PHACTR1: variants seen among roughly 807,000 people sequenced by gnomAD.
PHACTR1 encodes the protein phosphatase and actin regulator 1, also known as RPEL repeat containing 1.
In PHACTR1, 16 loss-of-function variants were observed where a neutral mutation model predicts 69.2. That is an observed-to-expected ratio of 0.23 (90% confidence interval 0.16 to 0.35). The LOEUF is 0.35. PHACTR1 is among the 10% of genes least tolerant of loss of function. PHACTR1 has a pLI of 1.00. For missense variants in PHACTR1, 510 were observed against 734.7 expected, an observed-to-expected ratio of 0.69 and a Z score of 3.54; for synonymous variants, 312 against 284.5, an observed-to-expected ratio of 1.10 and a Z score of -0.97.
chr6:13,013,065 GT>G (rs1230355550), intron 4 of PHACTR1, among the ~76,000 whole-genome samples: 1 of 152,100 alleles, frequency 6.6e-6, no homozygotes, highest in East Asian at 1.9e-4. Context: ...GTTTTGTTTT[GT>G]TTTTTAAAGA....
chr6:12,877,915 ACT>A (rs1257198209), intron 4 of PHACTR1, among the ~76,000 whole-genome samples: 1 of 151,980 alleles, frequency 6.6e-6, no homozygotes, highest in Non-Finnish European at 1.5e-5. Flanking sequence ...GCATCTGCTG[ACT>A]CTTCCTCAGA....
chr6:13,195,707 G>A (rs536345528), intron 7 of PHACTR1, among the ~76,000 whole-genome samples: 3 of 136,804 alleles, frequency 2.2e-5, no homozygotes, highest in African/African-American at 8.4e-5. Flanking sequence ...GCAGTGAGCT[G>A]AGATCGCGCC....
At chr6:12,859,987 TTCA>T (rs71552721) in intron 4 of PHACTR1, among the ~76,000 whole-genome samples, 8 of 150,436 alleles carry the variant, frequency 5.3e-5, no homozygotes, top group African/African-American at 1.7e-4. Context: ...GAAGGACATC[TTCA>T]TCATCATCAT....
chr6:12,787,319 G>T (rs1478230381), intron 4 of PHACTR1, among the ~76,000 whole-genome samples: 1 of 152,118 alleles, frequency 6.6e-6, no homozygotes, highest in African/African-American at 2.4e-5. Context: ...TAAAGCATAG[G>T]CATTTTGAAT....
intron 10 of PHACTR1, among the ~76,000 whole-genome samples, chr6:13,258,229 G>A (rs1157746660): frequency 5.9e-5 from 9 of 151,884 alleles, no homozygotes; most frequent in African/African-American, 7.3e-5. Context: ...ATGGTGGCGC[G>A]TGCCTGTAAT....
rs184544594 is a variant in PHACTR1 at position 12,763,540 on chromosome 6, T to C, written c.250+13750T>C. 2.3e-3 allele frequency among the ~76,000 whole-genome samples: 355 copies of C among 152,322 alleles called. 2 individuals carry two copies. Among genetic ancestry groups the C allele is most frequent in the Non-Finnish European group, 4.3e-3 (291 of 68,020 alleles). ...GATCTGTGTTCTGTCTCCTCCATGG[T>C]TCTGCTTATCAAAGACAGTGAAGTG... is the stretch of plus-strand genomic sequence containing the variant. On this transcript the variant is annotated intron_variant, in intron 4 of 14. Coordinates refer to ENST00000332995, the MANE Select transcript of PHACTR1 (RefSeq NM_030948.6).
intron 6 of PHACTR1, among the ~76,000 whole-genome samples, chr6:13,163,930 T>C (rs540575939): frequency 3.7e-4 from 57 of 152,308 alleles, no homozygotes; most frequent in African/African-American, 1.3e-3. Flanking sequence ...GGTAGTCTCA[T>C]CATCATCATC....
chr6:13,156,565 G>A (rs963051786), intron 5 of PHACTR1, among the ~76,000 whole-genome samples: 8 of 152,168 alleles, frequency 5.3e-5, no homozygotes, highest in Non-Finnish European at 5.9e-5. Flanking sequence ...GCACTGGTGC[G>A]TGAAAGCATC....
intron 4 of PHACTR1, among the ~76,000 whole-genome samples, chr6:12,969,268 G>A (rs1030682061): frequency 2.6e-5 from 4 of 152,242 alleles, no homozygotes; most frequent in East Asian, 1.9e-4. Context: ...TATCTGAGTC[G>A]CTGAGTATTG....
chr6:12,833,879 C>T lies in PHACTR1; in HGVS notation c.250+84089C>T, dbSNP rs79814847. 5.1e-4 allele frequency among the ~76,000 whole-genome samples: 77 copies of T among 152,208 alleles called. 1 individual carries two copies. In the East Asian group the frequency reaches 0.013, roughly 27 times the overall value. On this transcript the variant is annotated intron_variant, in intron 4 of 14. Coordinates refer to ENST00000332995, the MANE Select transcript of PHACTR1 (RefSeq NM_030948.6). The stretch of plus-strand genomic sequence containing the variant: ...CTCCTTCTACTCCTGCCCGTACTTA[C>T]CATGCTTGGGCACTCTGACATTTGC...
At chr6:12,901,318 T>C (rs1328851988) in intron 4 of PHACTR1, among the ~76,000 whole-genome samples, 1 of 152,110 alleles carries the variant, frequency 6.6e-6, no homozygotes, top group African/African-American at 2.4e-5. Context: ...GTGAAGAAAG[T>C]AGAGGATACC....
intron 6 of PHACTR1, among the ~76,000 whole-genome samples, chr6:13,163,064 G>A (rs548428103): frequency 3.9e-5 from 6 of 152,218 alleles, no homozygotes; most frequent in Non-Finnish European, 7.4e-5. Context: ...GGCCAACATG[G>A]TGAAACCCTG....
chr6:12,998,071 A>G (rs974138381), intron 4 of PHACTR1, among the ~76,000 whole-genome samples: 3 of 152,234 alleles, frequency 2.0e-5, no homozygotes, highest in Admixed American at 1.3e-4. Flanking sequence ...AATATAACTC[A>G]GTCCACTGGT....
intron 4 of PHACTR1, among the ~76,000 whole-genome samples, chr6:12,935,443 C>G (rs1204117263): frequency 6.6e-6 from 1 of 152,000 alleles, no homozygotes; most frequent in African/African-American, 2.4e-5. Flanking sequence ...GGGGTTTCAC[C>G]ATGTTGACCA....
chr6:13,044,377 G>A (rs1378027717), intron 4 of PHACTR1, among the ~76,000 whole-genome samples: 2 of 152,212 alleles, frequency 1.3e-5, no homozygotes, highest in Non-Finnish European at 2.9e-5. Flanking sequence ...ATTAGGCTTA[G>A]AGCCTATGTA....
At chr6:12,732,166 A>T (rs1459724410) in intron 3 of PHACTR1, among the ~76,000 whole-genome samples, 1 of 152,044 alleles carries the variant, frequency 6.6e-6, no homozygotes, top group East Asian at 1.9e-4. Flanking sequence ...TACCAATGCA[A>T]CATATAGTAA....
At chr6:12,745,259 T>C (rs973282611) in intron 3 of PHACTR1, among the ~76,000 whole-genome samples, 4 of 152,214 alleles carry the variant, frequency 2.6e-5, no homozygotes, top group African/African-American at 9.7e-5. Context: ...AGCTCTCTGT[T>C]GGGCTGCTTC....
At chr6:13,057,048 C>T (rs1299698235) in intron 5 of PHACTR1, among the ~76,000 whole-genome samples, 1 of 152,036 alleles carries the variant, frequency 6.6e-6, no homozygotes, top group Non-Finnish European at 1.5e-5. Flanking sequence ...TGCAAAACTA[C>T]AGTTAGATAG....
intron 8 of PHACTR1, among the ~76,000 whole-genome samples, chr6:13,213,453 C>T (rs1449565218): frequency 6.6e-6 from 1 of 152,114 alleles, no homozygotes; most frequent in Non-Finnish European, 1.5e-5. Flanking sequence ...CTGCACACAC[C>T]CCTTTTGCAT....
Sources: allele counts gnomAD v4.1 joint callset (sites outside exome capture counted in the v4.1 genomes callset), GRCh38; gene constraint gnomAD v4.1.1; transcripts MANE v1.5; gene names NCBI Gene and HGNC (gene_info 2026-07-23, HGNC 2026-07-21).